Variants in MBP observed in about 807,000 individuals in gnomAD.
The protein encoded by MBP is Golli-MBP.
In MBP, 16 loss-of-function variants were observed where a neutral mutation model predicts 35.8. The observed-to-expected ratio is 0.45, with a 90% confidence interval of 0.30 to 0.68. The LOEUF (loss-of-function observed/expected upper bound fraction) is 0.68. MBP is among the 30% of genes least tolerant of loss of function. The pLI is 0.08. For missense variants in MBP, 380 were observed against 404.7 expected (o/e 0.94, Z 0.52); for synonymous variants, 143 against 159.6 (o/e 0.90, Z 0.78).
Position 76,989,863 on chromosome 18 carries a change from C to G in MBP, c.681+93G>C, listed in dbSNP as rs1969792415. 5.4e-6 allele frequency: 6 copies of G among 1,113,574 alleles called. No individual in the cohort carries two copies. Among genetic ancestry groups the G allele is most frequent in the Non-Finnish European group, 6.8e-6 (5 of 738,692 alleles). The allele number at this position is 1,113,574 out of a possible 1,614,324, so 69.0% of individuals were successfully genotyped here. On this transcript the variant is annotated intron_variant, in intron 5 of 8. Transcript: ENST00000355994. The surrounding 1 kb of genome is among the most constrained non-coding windows in gnomAD (Gnocchi z 4.0). ...CTGATGATGACCCCGGTGCCACCCC[C>G]GAGCGTACGAACGTCCTGTGTGGAT...
chr18:77,049,645 A>T (rs1973400968), intron 3 of MBP, among the ~76,000 whole-genome samples: 1 of 152,052 alleles, frequency 6.6e-6, no homozygotes, highest in South Asian at 2.1e-4. Flanking sequence ...TTTACTCATC[A>T]TTGGATATGG....
chr18:77,088,524 A>G (rs1975362501), intron 2 of MBP, among the ~76,000 whole-genome samples: 1 of 152,326 alleles, frequency 6.6e-6, no homozygotes. Flanking sequence ...AAATTGGGAA[A>G]CATTATTCTG....
At chr18:77,119,539 C>G (rs193205467) in intron 1 of MBP, among the ~76,000 whole-genome samples, 172 of 152,318 alleles carry the variant, frequency 1.1e-3, no homozygotes, top group African/African-American at 4.0e-3. Context: ...AAGTGTTTGA[C>G]AAATGCCTGT....
chr18:77,021,853 C>T lies in MBP; in HGVS notation c.140-4585G>A, dbSNP rs947025144. Among the ~76,000 whole-genome samples the T allele has an allele frequency of 2.6e-5, 4 of 152,072 alleles. No individual in the cohort carries two copies. The East Asian group carries it at 5.8e-4, about 22-fold the overall frequency. On this transcript the variant is annotated intron_variant, in intron 3 of 8. Transcript: ENST00000355994. Reference sequence around the variant, plus strand: ...TTTCTTTATTTCTCAGTGTATTTCCCGGGGTCTTTGGCCAACTGCAGCGGG... The same window carrying T: ...TTTCTTTATTTCTCAGTGTATTTCCTGGGGTCTTTGGCCAACTGCAGCGGG...
At position 76,993,271 on chromosome 18, in the gene MBP, G is replaced by T. The variant is rs11661755; in HGVS notation, c.577-3211C>A. ...AGGAATGAAAGAGGGATCCCATTTT[G>T]GCTGGGTGTGGTGGCTCGTGCCTGT... On this transcript the variant is annotated intron_variant, in intron 4 of 8. Coordinates refer to ENST00000355994, the MANE Select transcript of MBP (RefSeq NM_001025101.2). Among the ~76,000 whole-genome samples the T allele has an allele frequency of 2.6e-5, 4 of 152,058 alleles. No homozygotes were observed. In the South Asian group the frequency reaches 6.2e-4, roughly 24 times the overall value.
At chr18:77,086,649 T>C (rs1439611499) in intron 2 of MBP, among the ~76,000 whole-genome samples, 1 of 152,242 alleles carries the variant, frequency 6.6e-6, no homozygotes, top group East Asian at 1.9e-4. Flanking sequence ...TTTTAAGCGC[T>C]AAGGGAATTA....
chr18:77,066,920 C>A (rs1974222165), intron 2 of MBP, among the ~76,000 whole-genome samples: 1 of 152,174 alleles, frequency 6.6e-6, no homozygotes. Flanking sequence ...TGGGCCAGGC[C>A]CCCTGGCCAC....
chr18:77,124,372 CT>C (rs1976977898), intron 1 of MBP, among the ~76,000 whole-genome samples: 2 of 152,220 alleles, frequency 1.3e-5, no homozygotes, highest in Non-Finnish European at 2.9e-5. Context: ...AATCCCTTTA[CT>C]CTTAAAGGAA....
At chr18:77,126,368 A>G (rs1977049727) in intron 1 of MBP, among the ~76,000 whole-genome samples, 1 of 152,212 alleles carries the variant, frequency 6.6e-6, no homozygotes, top group African/African-American at 2.4e-5. Context: ...ACAAAATACA[A>G]CACACATTCA....
At chr18:76,980,570 G>T (rs1024988359) in intron 8 of MBP, 99 bp from the exon 9 acceptor site, 2 of 886,454 alleles carry the variant, frequency 2.3e-6, no homozygotes, top group Non-Finnish European at 3.8e-6. Context: ...TGAGCCATTG[G>T]GTGTCTCTCT....
chr18:77,016,477 A>AGTCAT (rs2123460909), intron 4 of MBP: 1 of 1,107,664 alleles, frequency 9.0e-7, no homozygotes, highest in East Asian at 5.6e-5. Context: ...AGGCAACATC[A>AGTCAT]GTCATCAAGT....
chr18:77,079,995 G>GA (rs983124682), intron 2 of MBP, among the ~76,000 whole-genome samples: 1 of 152,092 alleles, frequency 6.6e-6, no homozygotes, highest in South Asian at 2.1e-4. Context: ...TATGTGGATG[G>GA]AAAAAAACGC....
chr18:77,098,168 C>CTTTTTTTTTTTTT lies in MBP; in HGVS notation c.51+7030_51+7042dup, dbSNP rs3214873. On this transcript the variant is annotated intron_variant, in intron 2 of 8. Transcript: ENST00000355994. The stretch of plus-strand genomic sequence containing the variant: ...TTCTGAGGACAGACACAAGGACTTC[C>CTTTTTTTTTTTTT]TTTTTTTTTTTTTTTTTTTTTACAA... Among the ~76,000 whole-genome samples the CTTTTTTTTTTTTT allele has an allele frequency of 1.1e-3, 115 of 108,516 alleles. 2 individuals are homozygous for CTTTTTTTTTTTTT. Among genetic ancestry groups the CTTTTTTTTTTTTT allele is most frequent in the South Asian group, 1.7e-3 (5 of 2,962 alleles). The allele number at this position is 108,516 out of a possible 152,430, so 71.2% of individuals were successfully genotyped here.
Position 76,979,973 on chromosome 18 carries a change from A to C in MBP, c.*454T>G, listed in dbSNP as rs1212413529. 1 of 702,328 alleles carries C rather than the reference A, an allele frequency of 1.4e-6. No individual in the cohort carries two copies. The highest frequency in any genetic ancestry group is 1.7e-5 in the African/African-American group (1 of 57,248). 43.5% of individuals were successfully genotyped at this position (702,328 alleles called of 1,614,324 possible). A position where few individuals can be genotyped will look rare whatever the true frequency, so the allele number is the denominator to read the frequency against. On this transcript the variant is annotated 3_prime_UTR_variant, in exon 9 of 9. Transcript: ENST00000355994. ...GAGAGAAGGACAGGAAAAAAAAACA[A>C]AGGAAGCTTGGATGTCAACAGTCCT... is the stretch of plus-strand genomic sequence containing the variant.
At chr18:77,051,518 G>A (rs1973488648) in intron 3 of MBP, among the ~76,000 whole-genome samples, 2 of 152,162 alleles carry the variant, frequency 1.3e-5, no homozygotes, top group South Asian at 4.1e-4. Context: ...GGGAGGGTGA[G>A]GTCAGGATCT....
intron 2 of MBP, chr18:77,093,180 CG>C (rs1292803342): frequency 2.6e-5 from 4 of 152,178 alleles, no homozygotes; most frequent in African/African-American, 9.7e-5. Flanking sequence ...CAGCCAGACC[CG>C]GGGTCGAGGC....
In MBP at chr18:77,017,005, C is replaced by T; in HGVS notation, c.403G>A (p.Ala135Thr). ...AATSESLDVM[A>T]SQKRPSQRHG... is the part of the protein sequence containing the mutation. ...CTCTGGGAGGGTCTCTTCTGTGACGCCATCACATCCAGGCTCTCGGAGGTG... is the reference window on the plus strand; with the variant it reads ...CTCTGGGAGGGTCTCTTCTGTGACGTCATCACATCCAGGCTCTCGGAGGTG... Residue 135 changes from alanine to threonine, a missense_variant, in exon 4 of 9, where the codon GCG (alanine) becomes ACG (threonine). Physicochemically the swap from Ala to Thr is moderately conservative, Grantham distance 58. Transcript: ENST00000355994. 2 of 1,614,104 alleles carry T rather than the reference C, an allele frequency of 1.2e-6. No individual in the cohort carries two copies. The highest frequency in any genetic ancestry group is 1.7e-6 in the Non-Finnish European group (2 of 1,180,030).
chr18:76,995,950 C>A (rs72987296), intron 4 of MBP, among the ~76,000 whole-genome samples: 13,641 of 152,176 alleles, frequency 0.09, 702 homozygotes, highest in Middle Eastern at 0.15. Context: ...TGACAAAGGA[C>A]TTGAAAGCAG....
intron 3 of MBP, among the ~76,000 whole-genome samples, chr18:77,056,531 G>A (rs1378049378): frequency 6.6e-6 from 1 of 152,138 alleles, no homozygotes; most frequent in Non-Finnish European, 1.5e-5. Context: ...GGGAGGCAGG[G>A]GCCTAACTGT....
Sources: gnomAD v4.1 joint callset for allele counts (sites outside exome capture counted in the v4.1 genomes callset) on GRCh38, gnomAD v4.1.1 for gene constraint, Gnocchi (gnomAD v3.1) non-coding constraint, MANE v1.5 for transcripts, NCBI Gene and HGNC (gene_info 2026-07-23, HGNC 2026-07-21) for gene names.